The following EHBP1 variants were observed in gnomAD, a reference collection of about 807,000 sequenced individuals.
EHBP1 encodes the protein EH domain binding protein 1, also known as EH domain-binding protein 1.
A neutral mutation model predicts 144.0 loss-of-function variants in EHBP1; 55 were observed. The ratio of observed to expected loss-of-function variants is 0.38; its 90% CI spans 0.31 to 0.48. The LOEUF is 0.48. Among genes scored for constraint, EHBP1 ranks in the 20% least tolerant of loss-of-function variants. The pLI, the probability that EHBP1 is intolerant of heterozygous loss-of-function variation, is 0.98. For missense variants in EHBP1, 1,200 were observed against 1,364.2 expected (o/e 0.88, Z 1.90); for synonymous variants, 469 against 472.7 (o/e 0.99, Z 0.10).
intron 2 of EHBP1, among the ~76,000 whole-genome samples, chr2:62,714,550 T>G (rs2035479642): frequency 6.6e-6 from 1 of 152,230 alleles, no homozygotes; most frequent in African/African-American, 2.4e-5. Context: ...GTGGAGATGA[T>G]AATAACACTA....
At chr2:62,858,045 A>G (rs1436206686) in intron 7 of EHBP1, among the ~76,000 whole-genome samples, 2 of 152,160 alleles carry the variant, frequency 1.3e-5, no homozygotes, top group South Asian at 2.1e-4. Flanking sequence ...GTATCAGAGT[A>G]TATATATTTT....
chr2:62,873,476 A>C (rs1558833215), intron 9 of EHBP1, among the ~76,000 whole-genome samples: 1 of 152,202 alleles, frequency 6.6e-6, no homozygotes, highest in African/African-American at 2.4e-5. Flanking sequence ...AAAGGCTAGG[A>C]AACCTGACAG....
chr2:62,948,647 A>C lies in EHBP1; in HGVS notation c.1801A>C (p.Ser601Arg). ...SEHQTPDDHL[S>R]PSTASPYCRR... ...GCATCAAACTCCTGATGATCACCTT[A>C]GTCCAAGCACAGCCTCCCCTTACTG... The change falls in exon 13 of 23, where the codon AGT becomes CGT. Residue 601 changes from serine (S) to arginine (R), a missense_variant. Ser to Arg is a moderately radical substitution (Grantham distance 110). Around this residue, in one of 6 missense-constraint regions of EHBP1, gnomAD observed 543 missense variants for 513.1 expected, o/e 1.06. Coordinates refer to ENST00000431489, the MANE Select transcript of EHBP1 (RefSeq NM_001142616.3). 6.2e-7 allele frequency: 1 copy of C among 1,614,052 alleles called. No homozygotes were observed. The highest frequency in any genetic ancestry group is 1.1e-5 in the South Asian group (1 of 91,088).
At chr2:62,906,875 G>A (rs956479052) in intron 10 of EHBP1, among the ~76,000 whole-genome samples, 2 of 152,144 alleles carry the variant, frequency 1.3e-5, no homozygotes, top group South Asian at 2.1e-4. Context: ...TATACTTCAA[G>A]AATGTAATAT....
chr2:62,690,952 C>G (rs2033885545), intron 1 of EHBP1, among the ~76,000 whole-genome samples: 1 of 152,202 alleles, frequency 6.6e-6, no homozygotes, highest in Admixed American at 6.5e-5. Context: ...TGCATTTGTA[C>G]AGTTCTAGAT....
chr2:62,830,382 C>A (rs1476334882), intron 6 of EHBP1, among the ~76,000 whole-genome samples: 1 of 152,010 alleles, frequency 6.6e-6, no homozygotes, highest in Non-Finnish European at 1.5e-5. Context: ...GATCACCTGC[C>A]TCGGCCTCCC....
chr2:62,788,236 G>A (rs1488730062), intron 5 of EHBP1, among the ~76,000 whole-genome samples: 1 of 152,082 alleles, frequency 6.6e-6, no homozygotes, highest in Non-Finnish European at 1.5e-5. Context: ...AAAGGTTTAT[G>A]TGGTCTTTCC....
At chr2:62,828,733 A>G (rs1236838551) in intron 6 of EHBP1, among the ~76,000 whole-genome samples, 2 of 152,218 alleles carry the variant, frequency 1.3e-5, no homozygotes, top group South Asian at 2.1e-4. Flanking sequence ...CAGTTTGAAT[A>G]TTTAAACTCT....
chr2:62,819,967 T>C (rs1163999134), intron 5 of EHBP1, among the ~76,000 whole-genome samples: 1 of 151,144 alleles, frequency 6.6e-6, no homozygotes, highest in Non-Finnish European at 1.5e-5. Context: ...TCCCAGCACT[T>C]TGGGAGGCCG....
chr2:62,994,152 T>C, intron 18 of EHBP1, 175 bp downstream of exon 18: 1 of 396,810 alleles, frequency 2.5e-6, no homozygotes, highest in Non-Finnish European at 4.6e-6. Flanking sequence ...GTGGTGATAA[T>C]TGTCAGATAA....
chr2:62,727,751 A>G lies in EHBP1; in HGVS notation c.105-19644A>G, dbSNP rs184225382. Among the ~76,000 whole-genome samples, 5 of 152,310 alleles carry G rather than the reference A, an allele frequency of 3.3e-5. No individual in the cohort carries two copies. The East Asian group carries it at 9.6e-4, about 29-fold the overall frequency. On this transcript the variant is annotated intron_variant, in intron 2 of 22. Transcript: ENST00000431489. The stretch of plus-strand genomic sequence containing the variant: ...TTCTGCTATTATGAATAATGCTGCT[A>G]TGAACATTTGTGTCTTGGGTATGTT...
intron 10 of EHBP1, among the ~76,000 whole-genome samples, chr2:62,937,066 A>G (rs2056433728): frequency 1.3e-5 from 2 of 152,190 alleles, no homozygotes; most frequent in Non-Finnish European, 2.9e-5. Context: ...ATTAACAGAA[A>G]GACTCTTGAA....
At chr2:62,934,945 GT>G (rs1236506776) in intron 10 of EHBP1, among the ~76,000 whole-genome samples, 1 of 152,104 alleles carries the variant, frequency 6.6e-6, no homozygotes, top group African/African-American at 2.4e-5. Context: ...TGGAGAAAGA[GT>G]TTAGTTAACC....
intron 3 of EHBP1, among the ~76,000 whole-genome samples, chr2:62,754,679 C>T (rs1416424980): frequency 2.0e-5 from 3 of 152,234 alleles, no homozygotes; most frequent in Non-Finnish European, 2.9e-5. Context: ...ACTCAAGCCT[C>T]AGCAATGGTG....
At chr2:62,698,078 C>T (rs1000373638) in intron 1 of EHBP1, among the ~76,000 whole-genome samples, 4 of 152,216 alleles carry the variant, frequency 2.6e-5, no homozygotes, top group African/African-American at 9.6e-5. Flanking sequence ...CTGGACAAGA[C>T]ACATGGCAAA....
chr2:62,906,646 C>T (rs1383905324), intron 10 of EHBP1, among the ~76,000 whole-genome samples: 1 of 152,124 alleles, frequency 6.6e-6, no homozygotes, highest in Non-Finnish European at 1.5e-5. Context: ...CCCATGTGTA[C>T]TTTATCCAGT....
chr2:62,954,021 T>C (rs993352445), intron 13 of EHBP1, among the ~76,000 whole-genome samples: 1 of 152,222 alleles, frequency 6.6e-6, no homozygotes, highest in African/African-American at 2.4e-5. Flanking sequence ...CATGTGCCAG[T>C]GCTCAGTACA....
chr2:62,988,786 G>A (rs2059298064), intron 15 of EHBP1, among the ~76,000 whole-genome samples: 1 of 152,116 alleles, frequency 6.6e-6, no homozygotes, highest in African/African-American at 2.4e-5. Flanking sequence ...AGTCTTTGGT[G>A]ATTTCTTTAG....
chr2:62,885,310 A>T (rs1024141378), intron 10 of EHBP1, among the ~76,000 whole-genome samples: 6 of 152,322 alleles, frequency 3.9e-5, no homozygotes, highest in Admixed American at 3.9e-4. Context: ...GGCAGCTGTG[A>T]GCCCCTCAGT....
Sources: gnomAD v4.1 joint callset for allele counts (sites outside exome capture counted in the v4.1 genomes callset) on GRCh38, gnomAD v4.1.1 for gene constraint, gnomAD v4.1.1 regional missense constraint, MANE v1.5 for transcripts, NCBI Gene and HGNC (gene_info 2026-07-23, HGNC 2026-07-21) for gene names.